The following CCDC7 variants were observed in gnomAD, a reference collection of about 807,000 sequenced individuals.
CCDC7 encodes the protein coiled-coil domain containing 7, also known as coiled-coil domain-containing protein 7.
A neutral mutation model predicts 196.9 loss-of-function variants in CCDC7; 183 were observed. The observed-to-expected ratio is 0.93, with a 90% CI of 0.82 to 1.05. CCDC7 has a LOEUF of 1.05. Ranked by LOEUF, CCDC7 falls within the 50% of genes least tolerant of loss-of-function variation. The probability of loss-of-function intolerance (pLI) is 0.00; values close to 1 mark genes in which losing one functional copy is unlikely to be tolerated. For missense variants in CCDC7, 1,540 were observed against 1,482.2 expected, an observed-to-expected ratio of 1.04 and a Z score of -0.64; for synonymous variants, 525 against 484.6, an observed-to-expected ratio of 1.08 and a Z score of -1.10.
chr10:32,604,402 T>C (rs746392081), intron 18 of CCDC7, among the ~76,000 whole-genome samples: 6 of 152,176 alleles, frequency 3.9e-5, no homozygotes, highest in Non-Finnish European at 8.8e-5. Flanking sequence ...TTGCCCAGAA[T>C]AGCTTGACTA....
intron 41 of CCDC7, among the ~76,000 whole-genome samples, chr10:32,868,593 G>A (rs181068159): frequency 6.6e-6 from 1 of 152,008 alleles, no homozygotes; most frequent in African/African-American, 2.4e-5. Context: ...AATACTTTAA[G>A]TTCTAAGGTA....
At chr10:32,525,878 T>G (rs2048595220) in intron 11 of CCDC7, among the ~76,000 whole-genome samples, 1 of 152,206 alleles carries the variant, frequency 6.6e-6, no homozygotes, top group African/African-American at 2.4e-5. Flanking sequence ...TCTCTCTCTC[T>G]CTGCTGAGCC....
At chr10:32,874,371 G>C (rs1219717429) in intron 41 of CCDC7, among the ~76,000 whole-genome samples, 1 of 151,376 alleles carries the variant, frequency 6.6e-6, no homozygotes, top group Non-Finnish European at 1.5e-5. Context: ...GGATTTTAGT[G>C]CACCCATCAC....
intron 20 of CCDC7, among the ~76,000 whole-genome samples, chr10:32,636,694 T>C (rs2065713656): frequency 6.6e-6 from 1 of 152,216 alleles, no homozygotes; most frequent in Admixed American, 6.5e-5. Flanking sequence ...AACATATGTG[T>C]GCATGTGTCT....
intron 18 of CCDC7, among the ~76,000 whole-genome samples, chr10:32,606,126 C>T (rs1321019619): frequency 6.6e-6 from 1 of 152,182 alleles, no homozygotes; most frequent in Non-Finnish European, 1.5e-5. Flanking sequence ...TGCAAAGGGC[C>T]CCAGATACAG....
chr10:32,648,372 G>A (rs2068137360), intron 20 of CCDC7, among the ~76,000 whole-genome samples: 1 of 152,122 alleles, frequency 6.6e-6, no homozygotes, highest in African/African-American at 2.4e-5. Flanking sequence ...AAGAATGGTG[G>A]TGTTAGTTTG....
chr10:32,466,779 GT>G (rs139060587), intron 5 of CCDC7, among the ~76,000 whole-genome samples: 6,152 of 152,158 alleles, frequency 0.04, 129 homozygotes, highest in Middle Eastern at 0.051. Flanking sequence ...TTTCCCTTGG[GT>G]ATATACCCAG....
chr10:32,852,691 G>A (rs1171151506), intron 40 of CCDC7, among the ~76,000 whole-genome samples: 1 of 151,894 alleles, frequency 6.6e-6, no homozygotes, highest in African/African-American at 2.4e-5. Context: ...TATCCATAAA[G>A]GTTCTAAGTA....
Position 32,872,042 on chromosome 10 carries a change from AGGTGT to A in CCDC7, c.4112-4290_4112-4286del, listed in dbSNP as rs979791448. 8.5e-5 allele frequency among the ~76,000 whole-genome samples: 13 copies of A among 152,192 alleles called. No individual in the cohort carries two copies. The South Asian group carries it at 2.1e-3, about 24-fold the overall frequency. On this transcript the variant is annotated intron_variant, in intron 41 of 41. Transcript: ENST00000639629. ...CCAAATATGTGGTCAATTTTGGAAT[AGGTGT>A]GGTGTGGTGTGGTGCTGGAAAGATT...
chr10:32,575,252 A>G (rs1475866242), intron 16 of CCDC7, among the ~76,000 whole-genome samples: 1 of 152,188 alleles, frequency 6.6e-6, no homozygotes, highest in African/African-American at 2.4e-5. Flanking sequence ...ATTTTTATCA[A>G]AATAAATTTC....
At chr10:32,676,779 A>G (rs988724909) in intron 21 of CCDC7, among the ~76,000 whole-genome samples, 3 of 152,166 alleles carry the variant, frequency 2.0e-5, no homozygotes, top group African/African-American at 7.2e-5. Context: ...GTGGGACTGT[A>G]AACTAGTTCA....
intron 24 of CCDC7, among the ~76,000 whole-genome samples, chr10:32,698,841 G>A (rs145134313): frequency 6.6e-6 from 1 of 152,120 alleles, no homozygotes; most frequent in Non-Finnish European, 1.5e-5. Flanking sequence ...TCAAATTCAG[G>A]AAACACAGAG....
At chr10:32,532,601 T>C (rs2049850000) in intron 11 of CCDC7, among the ~76,000 whole-genome samples, 1 of 152,162 alleles carries the variant, frequency 6.6e-6, no homozygotes, top group Non-Finnish European at 1.5e-5. Context: ...TTACAGTTTA[T>C]CTCTCCCTAG....
At chr10:32,691,972 T>C (rs1463220172) in intron 23 of CCDC7, among the ~76,000 whole-genome samples, 1 of 152,188 alleles carries the variant, frequency 6.6e-6, no homozygotes, top group Admixed American at 6.5e-5. Flanking sequence ...CTGTCAAGAT[T>C]CTCTTAAGGA....
intron 28 of CCDC7, among the ~76,000 whole-genome samples, chr10:32,733,445 T>C (rs2084325924): frequency 6.6e-6 from 1 of 152,124 alleles, no homozygotes; most frequent in Non-Finnish European, 1.5e-5. Flanking sequence ...ATTTGCATTT[T>C]CAAAAAGCAA....
intron 41 of CCDC7, among the ~76,000 whole-genome samples, chr10:32,858,235 T>C (rs1448552215): frequency 6.6e-6 from 1 of 152,184 alleles, no homozygotes; most frequent in Non-Finnish European, 1.5e-5. Flanking sequence ...GAATTATCAG[T>C]GCTTCTTAAA....
At chr10:32,822,060 G>A (rs1373214110) in intron 31 of CCDC7, among the ~76,000 whole-genome samples, 2 of 151,706 alleles carry the variant, frequency 1.3e-5, no homozygotes, top group Non-Finnish European at 2.9e-5. Context: ...TTCAGAAAAG[G>A]TGAAATATGA....
intron 8 of CCDC7, among the ~76,000 whole-genome samples, chr10:32,490,081 G>A (rs1452533455): frequency 6.6e-6 from 1 of 152,188 alleles, no homozygotes; most frequent in Non-Finnish European, 1.5e-5. Flanking sequence ...ATGGCTCATA[G>A]TGATAGTTCC....
At chr10:32,807,182 A>G (rs771684076) in intron 30 of CCDC7, among the ~76,000 whole-genome samples, 2 of 152,230 alleles carry the variant, frequency 1.3e-5, no homozygotes, top group African/African-American at 2.4e-5. Flanking sequence ...TAAAACGAAC[A>G]TAGGTTAAAG....
Sources: gnomAD v4.1 joint callset for allele counts (sites outside exome capture counted in the v4.1 genomes callset) on GRCh38, gnomAD v4.1.1 for gene constraint, MANE v1.5 for transcripts, NCBI Gene and HGNC (gene_info 2026-07-23, HGNC 2026-07-21) for gene names.